PRKAR2B: variants seen among roughly 807,000 people sequenced by gnomAD.
The protein encoded by PRKAR2B is cAMP-dependent protein kinase type II-beta regulatory subunit.
A neutral mutation model predicts 49.9 loss-of-function variants in PRKAR2B; 14 were observed. The ratio of observed to expected loss-of-function variants is 0.28; its 90% CI spans 0.19 to 0.44. PRKAR2B has a LOEUF of 0.44. PRKAR2B is among the 20% of genes least tolerant of loss of function. PRKAR2B has a pLI of 1.00. For missense variants in PRKAR2B, 393 were observed against 537.9 expected (o/e 0.73, Z 2.67); for synonymous variants, 196 against 197.7 (o/e 0.99, Z 0.07).
chr7:107,071,004 A>C (rs1391608354), intron 2 of PRKAR2B, among the ~76,000 whole-genome samples: 1 of 152,254 alleles, frequency 6.6e-6, no homozygotes, highest in Admixed American at 6.5e-5. Context: ...AGTATGAGAC[A>C]GAATTAAGAG....
intron 5 of PRKAR2B, among the ~76,000 whole-genome samples, chr7:107,146,076 TTTAG>T (rs1229689534): frequency 1.3e-5 from 2 of 152,116 alleles, no homozygotes; most frequent in Non-Finnish European, 2.9e-5. Context: ...GGTTGTAGTC[TTTAG>T]TTATAGTTTT....
chr7:107,080,120 C>A (rs1246485651), intron 2 of PRKAR2B, among the ~76,000 whole-genome samples: 1 of 151,880 alleles, frequency 6.6e-6, no homozygotes, highest in Non-Finnish European at 1.5e-5. Context: ...AACTGTGAGC[C>A]AGGTACCAGT....
At chr7:107,144,786 CTTTTTTTTTT>C (rs11414978) in intron 5 of PRKAR2B, among the ~76,000 whole-genome samples, 1 of 81,918 alleles carries the variant, frequency 1.2e-5, no homozygotes, top group African/African-American at 5.4e-5. Context: ...TTAAAAGCCA[CTTTTTTTTTT>C]TTTTTTTTTT....
At position 107,045,204 on chromosome 7, in the gene PRKAR2B, G is replaced by T; in HGVS notation, c.297G>T (p.Gly99=). ...AGGAGGCGGCGCCCGCGGACGCAGGGGCGTTCAATGGTGAGGACCAGACCC... is the reference window on the plus strand; with the variant it reads ...AGGAGGCGGCGCCCGCGGACGCAGGTGCGTTCAATGGTGAGGACCAGACCC... ...EEEEAAPADA[G]AFNAPVINRF... is the part of the protein sequence containing the mutation. Residue 99 remains glycine, a synonymous_variant, in exon 1 of 11, where the codon GGG becomes GGT. Coordinates refer to ENST00000265717, the MANE Select transcript of PRKAR2B (RefSeq NM_002736.3). 6.9e-7 allele frequency: 1 copy of T among 1,452,806 alleles called. No individual in the cohort carries two copies. 90.0% of individuals were successfully genotyped at this position (1,452,806 alleles called of 1,614,324 possible).
chr7:107,102,658 AG>A (rs1241795717), intron 2 of PRKAR2B, among the ~76,000 whole-genome samples: 1 of 152,114 alleles, frequency 6.6e-6, no homozygotes, highest in Non-Finnish European at 1.5e-5. Context: ...ATATTTATAA[AG>A]GAAGAAAAGA....
chr7:107,126,251 CAAAA>C (rs528961832), intron 3 of PRKAR2B, among the ~76,000 whole-genome samples: 5 of 85,472 alleles, frequency 5.8e-5, no homozygotes, highest in Non-Finnish European at 7.3e-5. Context: ...ATACAAAATA[CAAAA>C]AAAAAAAAAA....
At chr7:107,089,399 C>T (rs1163759221) in intron 2 of PRKAR2B, among the ~76,000 whole-genome samples, 1 of 152,138 alleles carries the variant, frequency 6.6e-6, no homozygotes, top group Non-Finnish European at 1.5e-5. Context: ...ATGGATTTAT[C>T]TTCCTAACCA....
intron 1 of PRKAR2B, chr7:107,068,681 T>C (rs182393987): frequency 6.6e-6 from 1 of 152,098 alleles, no homozygotes; most frequent in Admixed American, 6.5e-5. Flanking sequence ...GATAATTGGG[T>C]TTATGAATTA....
chr7:107,047,182 C>G (rs558492110), intron 1 of PRKAR2B, among the ~76,000 whole-genome samples: 2 of 152,292 alleles, frequency 1.3e-5, no homozygotes, highest in South Asian at 4.1e-4. Context: ...ACAATTTGAT[C>G]ATTATCCAGG....
At chr7:107,059,322 T>C (rs1793980644) in intron 1 of PRKAR2B, among the ~76,000 whole-genome samples, 1 of 152,098 alleles carries the variant, frequency 6.6e-6, no homozygotes, top group African/African-American at 2.4e-5. Flanking sequence ...ACATGTGCAG[T>C]AGGAGGAGGC....
chr7:107,150,888 C>CTTTT, intron 6 of PRKAR2B, 34 bp from the exon 7 acceptor site: 1 of 1,109,724 alleles, frequency 9.0e-7, no homozygotes, highest in Non-Finnish European at 1.3e-6. Flanking sequence ...GCTTTACCCC[C>CTTTT]ATAAAATTTA....
At chr7:107,146,494 T>G (rs773152349) in intron 6 of PRKAR2B, 33 bp downstream of exon 6, 5 of 1,593,816 alleles carry the variant, frequency 3.1e-6, no homozygotes, top group Non-Finnish European at 4.3e-6. Flanking sequence ...CTGAATGTTA[T>G]GATTTGTAGC....
At chr7:107,058,761 C>T (rs1328616243) in intron 1 of PRKAR2B, among the ~76,000 whole-genome samples, 1 of 152,148 alleles carries the variant, frequency 6.6e-6, no homozygotes, top group Non-Finnish European at 1.5e-5. Context: ...ATTTTAGGAG[C>T]ACATTTTACA....
At chr7:107,059,804 C>T (rs1793991410) in intron 1 of PRKAR2B, among the ~76,000 whole-genome samples, 1 of 151,924 alleles carries the variant, frequency 6.6e-6, no homozygotes, top group Admixed American at 6.6e-5. Flanking sequence ...CCTCTCTTCC[C>T]AGACCTTGCA....
At chr7:107,075,268 A>C (rs971282612) in intron 2 of PRKAR2B, among the ~76,000 whole-genome samples, 2 of 151,600 alleles carry the variant, frequency 1.3e-5, no homozygotes, top group African/African-American at 4.8e-5. Flanking sequence ...ATGCCTGGCT[A>C]ATTTTTTGTA....
At chr7:107,058,992 A>AT (rs1330945030) in intron 1 of PRKAR2B, among the ~76,000 whole-genome samples, 1 of 151,858 alleles carries the variant, frequency 6.6e-6, no homozygotes, top group African/African-American at 2.4e-5. Flanking sequence ...AAGGTTTTTT[A>AT]TTTTTTTTCC....
intron 4 of PRKAR2B, among the ~76,000 whole-genome samples, chr7:107,134,621 A>G (rs953493011): frequency 2.0e-5 from 3 of 152,246 alleles, no homozygotes; most frequent in African/African-American, 7.2e-5. Flanking sequence ...AATCAAAACC[A>G]TATACTGGGC....
At chr7:107,110,713 G>T (rs1795155539) in intron 2 of PRKAR2B, among the ~76,000 whole-genome samples, 1 of 151,832 alleles carries the variant, frequency 6.6e-6, no homozygotes, top group Non-Finnish European at 1.5e-5. Flanking sequence ...GTACTGGCAG[G>T]ACCCATCACC....
chr7:107,088,467 A>G (rs1794661770), intron 2 of PRKAR2B, among the ~76,000 whole-genome samples: 1 of 151,954 alleles, frequency 6.6e-6, no homozygotes. Context: ...TTATTCCCTC[A>G]TTTGTCAGCA....
Sources: allele counts gnomAD v4.1 joint callset (sites outside exome capture counted in the v4.1 genomes callset), GRCh38; gene constraint gnomAD v4.1.1; transcripts MANE v1.5; gene names NCBI Gene and HGNC (gene_info 2026-07-23, HGNC 2026-07-21).